Variants in GALNT10 observed in about 807,000 individuals in gnomAD.
GALNT10 encodes polypeptide N-acetylgalactosaminyltransferase 10.
Under a neutral mutation model 75.0 loss-of-function variants are expected in GALNT10, and 41 were observed. The observed-to-expected ratio is 0.55, with a 90% CI of 0.43 to 0.71. The LOEUF (loss-of-function observed/expected upper bound fraction) is 0.71, where lower values mean the gene tolerates loss of function less well. Among genes scored for constraint, GALNT10 ranks in the 30% least tolerant of loss-of-function variants. GALNT10 has a pLI of 0.00. For synonymous variants in GALNT10, 302 were observed against 313.0 expected, an observed-to-expected ratio of 0.96 and a Z score of 0.37; for missense variants, 727 against 818.5, an observed-to-expected ratio of 0.89 and a Z score of 1.36.
intron 6 of GALNT10, 26 bp from the exon 7 acceptor site, chr5:154,386,287 C>T: frequency 6.5e-7 from 1 of 1,542,464 alleles, no homozygotes; most frequent in Non-Finnish European, 9.0e-7. Context: ...TCTGCACCTT[C>T]ACACCATGTT....
chr5:154,234,372 G>C (rs969936428), intron 1 of GALNT10, among the ~76,000 whole-genome samples: 1 of 152,164 alleles, frequency 6.6e-6, no homozygotes, highest in African/African-American at 2.4e-5. Flanking sequence ...TCCAGGTGAA[G>C]AACAGGCTCA....
chr5:154,386,617 G>GGGGGGGGGGCC, intron 7 of GALNT10, 187 bp downstream of exon 7: 3 of 365,830 alleles, frequency 8.2e-6, no homozygotes, highest in Non-Finnish European at 1.1e-5. Context: ...GGGGGTGTGG[G>GGGGGGGGGGCC]AGGGAAGGGG....
chr5:154,410,520 C>T (rs1450833233), intron 9 of GALNT10, among the ~76,000 whole-genome samples: 1 of 152,166 alleles, frequency 6.6e-6, no homozygotes, highest in Non-Finnish European at 1.5e-5. Context: ...CCACTGCACT[C>T]CAGCCTGGTG....
At chr5:154,403,661 C>T (rs983525348) in intron 7 of GALNT10, 4 of 195,068 alleles carry the variant, frequency 2.1e-5, no homozygotes, top group Non-Finnish European at 4.2e-5. Context: ...ACTGATCCCC[C>T]GATGCCACCC....
chr5:154,190,833 G>A lies in GALNT10; in HGVS notation c.-34G>A. 1 of 1,127,822 alleles carries A rather than the reference G, an allele frequency of 8.9e-7. No individual in the cohort carries two copies. Among genetic ancestry groups the A allele is most frequent in the Non-Finnish European group, 1.1e-6 (1 of 918,454 alleles). 69.9% of individuals were successfully genotyped at this position (1,127,822 alleles called of 1,614,324 possible). ...CGCGGAGCTGGGGGCGGCGCGGCGG[G>A]GCCGGCGGGGCGCGGCGGGGCTGAC... On this transcript the variant is annotated 5_prime_UTR_variant, in exon 1 of 12. Transcript: ENST00000297107.
intron 3 of GALNT10, among the ~76,000 whole-genome samples, chr5:154,307,055 G>C (rs1754445146): frequency 6.6e-6 from 1 of 152,176 alleles, no homozygotes; most frequent in African/African-American, 2.4e-5. Context: ...GAATGAGAGA[G>C]ATGACATAAC....
intron 1 of GALNT10, among the ~76,000 whole-genome samples, chr5:154,290,071 C>T (rs948533516): frequency 2.0e-5 from 3 of 150,848 alleles, no homozygotes; most frequent in Admixed American, 2.0e-4. Flanking sequence ...TAGGGCCCTT[C>T]AGGCTCCATG....
At chr5:154,239,361 T>C (rs564807565) in intron 1 of GALNT10, among the ~76,000 whole-genome samples, 1 of 152,228 alleles carries the variant, frequency 6.6e-6, no homozygotes, top group East Asian at 1.9e-4. Context: ...GGCCACGGAC[T>C]ACCTTTCAGG....
chr5:154,364,461 C>T (rs1286136251), intron 4 of GALNT10, among the ~76,000 whole-genome samples: 2 of 152,076 alleles, frequency 1.3e-5, no homozygotes, highest in African/African-American at 4.8e-5. Context: ...GGAAGAGGCC[C>T]TGAATGGGAG....
chr5:154,300,056 G>T (rs1754338203), intron 3 of GALNT10, among the ~76,000 whole-genome samples: 1 of 152,046 alleles, frequency 6.6e-6, no homozygotes, highest in African/African-American at 2.4e-5. Flanking sequence ...GGCTGGTTTT[G>T]AACTCCTGGA....
At chr5:154,333,435 G>A (rs778533255) in intron 4 of GALNT10, among the ~76,000 whole-genome samples, 4 of 152,120 alleles carry the variant, frequency 2.6e-5, no homozygotes, top group African/African-American at 7.2e-5. Flanking sequence ...ATTGTATTAC[G>A]GTGCAAACTT....
At chr5:154,253,688 A>AACTTCAT in intron 1 of GALNT10, among the ~76,000 whole-genome samples, 1 of 144,632 alleles carries the variant, frequency 6.9e-6, no homozygotes, top group Middle Eastern at 3.8e-3. Flanking sequence ...AAGCTTTTCT[A>AACTTCAT]ACTTCATAAA....
chr5:154,281,792 G>A (rs1460615236), intron 1 of GALNT10, among the ~76,000 whole-genome samples: 3 of 152,128 alleles, frequency 2.0e-5, no homozygotes, highest in Non-Finnish European at 4.4e-5. Context: ...TCATAGTTCT[G>A]CCCCCTGAAG....
chr5:154,241,179 C>A (rs1381761941), intron 1 of GALNT10, among the ~76,000 whole-genome samples: 1 of 152,136 alleles, frequency 6.6e-6, no homozygotes, highest in Admixed American at 6.6e-5. Context: ...GCCAGTTAGA[C>A]GAGGCCTTCT....
At position 154,361,018 on chromosome 5, in the gene GALNT10, A is replaced by G. The variant is rs1041730995; in HGVS notation, c.569-15259A>G. Among the ~76,000 whole-genome samples the G allele has an allele frequency of 2.6e-5, 4 of 152,326 alleles. No individual in the cohort carries two copies. In the East Asian group the frequency reaches 5.8e-4, roughly 22 times the overall value. ...AGAAATTATAAATTGTTTATTAAAA[A>G]GATTTATCATTAGAGAGAATATATG... On this transcript the variant is annotated intron_variant, in intron 4 of 11. Transcript: ENST00000297107.
chr5:154,223,781 G>A (rs555879615), intron 1 of GALNT10, among the ~76,000 whole-genome samples: 56 of 152,202 alleles, frequency 3.7e-4, no homozygotes, highest in Middle Eastern at 3.4e-3. Flanking sequence ...TTAACTGGGC[G>A]TGGTGGTGCA....
At chr5:154,344,417 G>C (rs147034895) in intron 4 of GALNT10, among the ~76,000 whole-genome samples, 1 of 151,788 alleles carries the variant, frequency 6.6e-6, no homozygotes, top group Non-Finnish European at 1.5e-5. Context: ...TCACTATGTT[G>C]GCCAGGATGG....
intron 8 of GALNT10, among the ~76,000 whole-genome samples, chr5:154,408,754 A>C (rs1756334718): frequency 6.6e-6 from 1 of 152,156 alleles, no homozygotes; most frequent in Admixed American, 6.5e-5. Flanking sequence ...TTTGGTTTCA[A>C]ATTATAATTT....
intron 1 of GALNT10, among the ~76,000 whole-genome samples, chr5:154,255,668 G>A (rs1311423911): frequency 2.0e-5 from 3 of 152,062 alleles, no homozygotes; most frequent in Non-Finnish European, 2.9e-5. Flanking sequence ...TCCAGGTCTA[G>A]TATGTCTTCC....
Sources: allele counts gnomAD v4.1 joint callset (sites outside exome capture counted in the v4.1 genomes callset), GRCh38; gene constraint gnomAD v4.1.1; transcripts MANE v1.5; gene names NCBI Gene and HGNC (gene_info 2026-07-23, HGNC 2026-07-21).